KCNC2: variants seen among roughly 807,000 people sequenced by gnomAD.
KCNC2 encodes voltage-gated potassium channel KCNC2.
Under a neutral mutation model 44.5 loss-of-function variants are expected in KCNC2, and 21 were observed. The ratio of observed to expected loss-of-function variants is 0.47; its 90% CI spans 0.33 to 0.68. The LOEUF (loss-of-function observed/expected upper bound fraction) is 0.68. Among genes scored for constraint, KCNC2 ranks in the 30% least tolerant of loss-of-function variants. The pLI is 0.01. For missense variants in KCNC2, 589 were observed against 826.2 expected, an observed-to-expected ratio of 0.71 and a Z score of 3.52; for synonymous variants, 391 against 339.1, an observed-to-expected ratio of 1.15 and a Z score of -1.68.
intron 2 of KCNC2, among the ~76,000 whole-genome samples, chr12:75,063,138 A>G (rs548979283): frequency 1.4e-4 from 22 of 151,970 alleles, no homozygotes; most frequent in African/African-American, 5.1e-4. Flanking sequence ...CTGCTTTGTC[A>G]TTTCTGTTTT....
intron 2 of KCNC2, among the ~76,000 whole-genome samples, chr12:75,200,226 T>C (rs925396498): frequency 2.6e-5 from 4 of 151,812 alleles, no homozygotes; most frequent in African/African-American, 9.7e-5. Context: ...GCAATCAAAA[T>C]TGAACAGAAT....
intron 2 of KCNC2, among the ~76,000 whole-genome samples, chr12:75,185,543 G>A (rs984741442): frequency 2.0e-5 from 3 of 151,690 alleles, no homozygotes; most frequent in East Asian, 3.9e-4. Flanking sequence ...GTTATGGGAT[G>A]ACACAATAAG....
chr12:75,136,921 A>G (rs1004577688), intron 2 of KCNC2, among the ~76,000 whole-genome samples: 2 of 152,070 alleles, frequency 1.3e-5, no homozygotes, highest in African/African-American at 4.8e-5. Context: ...TTTACTCTGC[A>G]TGTTCCCACC....
At chr12:75,161,407 G>A (rs1891117218) in intron 2 of KCNC2, among the ~76,000 whole-genome samples, 1 of 151,666 alleles carries the variant, frequency 6.6e-6, no homozygotes, top group Non-Finnish European at 1.5e-5. Context: ...TCAAAGAAAT[G>A]TAAACATATT....
At chr12:75,169,037 A>T (rs1054921764) in intron 2 of KCNC2, among the ~76,000 whole-genome samples, 5 of 151,504 alleles carry the variant, frequency 3.3e-5, no homozygotes, top group Admixed American at 2.0e-4. Flanking sequence ...ACAGGTGCCA[A>T]AAGGAAAGGA....
chr12:75,043,388 C>T, intron 4 of KCNC2, 147 bp from the exon 5 acceptor site: 4 of 1,399,306 alleles, frequency 2.9e-6, no homozygotes, highest in Middle Eastern at 2.6e-4. Context: ...CAATTTATAA[C>T]TCTAAAAAAA....
At chr12:75,186,416 T>A (rs1892953565) in intron 2 of KCNC2, among the ~76,000 whole-genome samples, 1 of 152,190 alleles carries the variant, frequency 6.6e-6, no homozygotes, top group Non-Finnish European at 1.5e-5. Flanking sequence ...AATATGCATT[T>A]TTCCATGTTA....
intron 2 of KCNC2, among the ~76,000 whole-genome samples, chr12:75,180,283 T>G (rs1401642441): frequency 1.3e-5 from 2 of 151,824 alleles, no homozygotes; most frequent in Non-Finnish European, 3.0e-5. Context: ...TAAATCAAAT[T>G]TTTATCACAT....
intron 2 of KCNC2, among the ~76,000 whole-genome samples, chr12:75,157,276 G>T (rs747329850): frequency 6.6e-5 from 10 of 151,808 alleles, no homozygotes; most frequent in Non-Finnish European, 1.5e-4. Flanking sequence ...CTTAGTCCTT[G>T]CCCTTCCTTC....
At chr12:75,191,072 A>G (rs972671350) in intron 2 of KCNC2, among the ~76,000 whole-genome samples, 1 of 152,164 alleles carries the variant, frequency 6.6e-6, no homozygotes, top group African/African-American at 2.4e-5. Flanking sequence ...TTAAAGTGTA[A>G]TGGACTGCAA....
intron 2 of KCNC2, among the ~76,000 whole-genome samples, chr12:75,056,859 T>C (rs1402465863): frequency 6.6e-6 from 1 of 152,022 alleles, no homozygotes; most frequent in Non-Finnish European, 1.5e-5. Context: ...TAAAAACAAA[T>C]GACTGCAGAA....
chr12:75,067,273 A>G (rs1039551783), intron 2 of KCNC2, among the ~76,000 whole-genome samples: 1 of 152,214 alleles, frequency 6.6e-6, no homozygotes, highest in African/African-American at 2.4e-5. Flanking sequence ...ACGTGTTTAG[A>G]GTTGCCTTTA....
At chr12:75,132,262 T>C (rs1047913602) in intron 2 of KCNC2, among the ~76,000 whole-genome samples, 25 of 152,174 alleles carry the variant, frequency 1.6e-4, no homozygotes, top group Non-Finnish European at 2.9e-5. Context: ...CTATTTCTAT[T>C]GAAAATCAAA....
chr12:75,173,312 GA>G (rs1309804455), intron 2 of KCNC2, among the ~76,000 whole-genome samples: 1 of 151,808 alleles, frequency 6.6e-6, no homozygotes, highest in Non-Finnish European at 1.5e-5. Context: ...TAGAGATATA[GA>G]AGAATCACAT....
Position 75,042,764 on chromosome 12 carries a change from T to C in KCNC2, c.*341A>G. 2 of 1,151,850 alleles carry C rather than the reference T, an allele frequency of 1.7e-6. No homozygotes were observed. The highest frequency in any genetic ancestry group is 2.1e-6 in the Non-Finnish European group (2 of 935,772). 71.4% of individuals were successfully genotyped at this position (1,151,850 alleles called of 1,614,324 possible). A position where few individuals can be genotyped will look rare whatever the true frequency, so the allele number is the denominator to read the frequency against. On this transcript the variant is annotated 3_prime_UTR_variant, in exon 5 of 5. Coordinates refer to ENST00000549446, the MANE Select transcript of KCNC2 (RefSeq NM_139137.4). ...AAGAAATAAAGTTCCAATGAAGTGGTTGGCATTTGGAAGCACACTGTTTTA... is the reference window on the plus strand; with the variant it reads ...AAGAAATAAAGTTCCAATGAAGTGGCTGGCATTTGGAAGCACACTGTTTTA...
At chr12:75,141,592 G>A (rs1889655816) in intron 2 of KCNC2, among the ~76,000 whole-genome samples, 1 of 148,702 alleles carries the variant, frequency 6.7e-6, no homozygotes, top group African/African-American at 2.5e-5. Flanking sequence ...TTCCATTTAA[G>A]CATTCCATTT....
At chr12:75,183,522 C>A (rs960001626) in intron 2 of KCNC2, among the ~76,000 whole-genome samples, 1 of 152,108 alleles carries the variant, frequency 6.6e-6, no homozygotes, top group South Asian at 2.1e-4. Context: ...CCCAGAAAGT[C>A]CTGGGAATGA....
At chr12:75,101,425 G>GT in intron 2 of KCNC2, among the ~76,000 whole-genome samples, 1 of 152,028 alleles carries the variant, frequency 6.6e-6, no homozygotes, top group Non-Finnish European at 1.5e-5. Flanking sequence ...GCCACATCTT[G>GT]TTTCAGAGTT....
In KCNC2 at chr12:75,094,646, AC is replaced by A. The variant is rs377734097; in HGVS notation, c.688-43330del. 1.5e-3 allele frequency among the ~76,000 whole-genome samples: 229 copies of A among 151,884 alleles called. 1 individual carries two copies. The highest frequency in any genetic ancestry group is 5.2e-3 in the African/African-American group (218 of 41,528). Reference sequence around the variant, plus strand: ...TTGATCCTATTTAACAAGAATTTTGACCTTTCTAACAGCAACTTTCCATAAG... The same window carrying A: ...TTGATCCTATTTAACAAGAATTTTGACTTTCTAACAGCAACTTTCCATAAG... On this transcript the variant is annotated intron_variant, in intron 2 of 4. Coordinates refer to ENST00000549446, the MANE Select transcript of KCNC2 (RefSeq NM_139137.4).
Sources: allele counts gnomAD v4.1 joint callset (sites outside exome capture counted in the v4.1 genomes callset), GRCh38; gene constraint gnomAD v4.1.1; transcripts MANE v1.5; gene names NCBI Gene and HGNC (gene_info 2026-07-23, HGNC 2026-07-21).